SDK1: variants seen among roughly 807,000 people sequenced by gnomAD.
SDK1 encodes sidekick cell adhesion molecule 1.
SDK1 carries 157 observed loss-of-function variants against 245.5 expected under a neutral mutation model. The observed-to-expected ratio is 0.64, with a 90% CI of 0.56 to 0.73. The LOEUF is 0.73. Ranked by LOEUF, SDK1 falls within the 30% of genes least tolerant of loss-of-function variation. The pLI is 0.00. For missense variants in SDK1, 3,583 were observed against 3,002.3 expected (o/e 1.19, Z -4.52); for synonymous variants, 1,647 against 1,278.5 (o/e 1.29, Z -6.15).
chr7:4,184,535 G>A (rs1461498275), intron 35 of SDK1, among the ~76,000 whole-genome samples: 1 of 152,228 alleles, frequency 6.6e-6, no homozygotes, highest in East Asian at 1.9e-4. Context: ...CTGGGTGAGT[G>A]AGTCGGTTTG....
intron 1 of SDK1, among the ~76,000 whole-genome samples, chr7:3,574,878 T>C (rs538113755): frequency 1.3e-5 from 2 of 152,212 alleles, no homozygotes; most frequent in African/African-American, 4.8e-5. Flanking sequence ...TTTTACAAAT[T>C]ACACGAAAGG....
intron 1 of SDK1, among the ~76,000 whole-genome samples, chr7:3,425,979 T>C (rs1455110257): frequency 6.6e-6 from 1 of 152,256 alleles, no homozygotes; most frequent in Non-Finnish European, 1.5e-5. Context: ...AAAAGATTTT[T>C]AATCTGTAAA....
At position 3,396,415 on chromosome 7, in the gene SDK1, G is replaced by T. The variant is rs930471734; in HGVS notation, c.298+94531G>T. Among the ~76,000 whole-genome samples the T allele has an allele frequency of 8.6e-5, 13 of 151,852 alleles. No individual in the cohort carries two copies. The South Asian group carries it at 2.7e-3, about 32-fold the overall frequency. ...GTGTGTTAAGGTAAGTTGATTGGCA[G>T]TGTTATAAGTCTTCTGTATTTTTGT... On this transcript the variant is annotated intron_variant, in intron 1 of 44. Transcript: ENST00000404826.
At chr7:3,760,267 C>T (rs948279127) in intron 4 of SDK1, among the ~76,000 whole-genome samples, 10 of 152,198 alleles carry the variant, frequency 6.6e-5, no homozygotes, top group Non-Finnish European at 5.9e-5. Flanking sequence ...TCAGGTTGTC[C>T]GTCATGGTAT....
At chr7:3,457,750 G>C (rs1002053738) in intron 1 of SDK1, among the ~76,000 whole-genome samples, 1 of 152,130 alleles carries the variant, frequency 6.6e-6, no homozygotes, top group African/African-American at 2.4e-5. Flanking sequence ...CTTCCAGACA[G>C]CTCTCATCTT....
intron 17 of SDK1, among the ~76,000 whole-genome samples, chr7:4,036,126 C>T (rs894990034): frequency 2.6e-5 from 4 of 152,130 alleles, no homozygotes; most frequent in East Asian, 1.9e-4. Flanking sequence ...ATTTGAAAGC[C>T]GCAATTGACA....
chr7:3,615,165 C>G (rs753260175), intron 1 of SDK1, among the ~76,000 whole-genome samples: 1 of 151,566 alleles, frequency 6.6e-6, no homozygotes. Flanking sequence ...GTGTAGGACA[C>G]TGGAACCATA....
At position 4,161,859 on chromosome 7, in the gene SDK1, A is replaced by G. The variant is rs753165118; in HGVS notation, c.4800+3A>G. ...CCTCTGTCCTGATACAGTGGCAGGT[A>G]AGAGCGCGGGGAATCACGCGCGTTT... On this transcript the variant is annotated splice_donor_region_variant and intron_variant, in intron 32 of 44. Transcript: ENST00000404826. 1 of 1,613,558 alleles carries G rather than the reference A, an allele frequency of 6.2e-7. No individual in the cohort carries two copies. The highest frequency in any genetic ancestry group is 1.1e-5 in the South Asian group (1 of 91,068).
intron 1 of SDK1, among the ~76,000 whole-genome samples, chr7:3,363,599 G>A (rs1414013230): frequency 6.6e-6 from 1 of 152,126 alleles, no homozygotes; most frequent in African/African-American, 2.4e-5. Context: ...ACCAAGGGTG[G>A]GAGGTGGTGT....
intron 35 of SDK1, among the ~76,000 whole-genome samples, chr7:4,199,964 G>A (rs1028140047): frequency 7.2e-5 from 11 of 152,066 alleles, no homozygotes; most frequent in South Asian, 2.1e-4. Flanking sequence ...GTGTGGTGGC[G>A]GGCACCTGTA....
chr7:4,056,212 G>A (rs112040399), intron 19 of SDK1, among the ~76,000 whole-genome samples: 1 of 149,644 alleles, frequency 6.7e-6, no homozygotes, highest in East Asian at 2.0e-4. Context: ...CAGGGAGCCT[G>A]TTTATCCTAT....
chr7:3,356,321 AAAAT>A (rs1332132965), intron 1 of SDK1, among the ~76,000 whole-genome samples: 2 of 152,178 alleles, frequency 1.3e-5, no homozygotes, highest in African/African-American at 2.4e-5. Context: ...AACCAACTGT[AAAAT>A]AAACATCTGG....
At chr7:3,590,265 T>C (rs1022697427) in intron 1 of SDK1, among the ~76,000 whole-genome samples, 2 of 150,318 alleles carry the variant, frequency 1.3e-5, no homozygotes, top group African/African-American at 4.9e-5. Flanking sequence ...TGTAAAGAAA[T>C]GGGTATATTT....
rs1341593815 is a variant in SDK1, at chr7:3,519,651, G to A, written c.299-99429G>A. Among the ~76,000 whole-genome samples, 5 of 152,084 alleles carry A rather than the reference G, an allele frequency of 3.3e-5. No homozygotes were observed. The East Asian group carries it at 7.7e-4, about 23-fold the overall frequency. Reference sequence around the variant, plus strand: ...CAGAGAAGATTAAGTGATTTGTCCAGTTTTAGTCTGTCTCTGTTACATCCA... The same window carrying A: ...CAGAGAAGATTAAGTGATTTGTCCAATTTTAGTCTGTCTCTGTTACATCCA... On this transcript the variant is annotated intron_variant, in intron 1 of 44. Transcript: ENST00000404826.
chr7:4,150,360 T>G (rs1392904674), intron 30 of SDK1, among the ~76,000 whole-genome samples: 1 of 152,162 alleles, frequency 6.6e-6, no homozygotes, highest in Non-Finnish European at 1.5e-5. Context: ...TCCCTCCATG[T>G]CGCAGGGCTC....
intron 5 of SDK1, among the ~76,000 whole-genome samples, chr7:3,921,304 T>C (rs1034124150): frequency 3.9e-5 from 6 of 152,360 alleles, no homozygotes; most frequent in Middle Eastern, 3.4e-3. Context: ...TATGTTATCA[T>C]TTTCAATAAC....
At chr7:3,807,972 C>T (rs1392263479) in intron 4 of SDK1, among the ~76,000 whole-genome samples, 1 of 152,100 alleles carries the variant, frequency 6.6e-6, no homozygotes, top group East Asian at 1.9e-4. Flanking sequence ...AATTATTATC[C>T]CCATCTGACC....
At chr7:4,168,072 C>T (rs1401331703) in intron 32 of SDK1, among the ~76,000 whole-genome samples, 1 of 152,238 alleles carries the variant, frequency 6.6e-6, no homozygotes, top group African/African-American at 2.4e-5. Flanking sequence ...CAGTTCAGAA[C>T]CCTGTGCAGG....
intron 26 of SDK1, among the ~76,000 whole-genome samples, chr7:4,128,235 C>G (rs922752702): frequency 6.6e-6 from 1 of 152,170 alleles, no homozygotes; most frequent in Non-Finnish European, 1.5e-5. Flanking sequence ...TTTGAGCGTG[C>G]CTCCTCCACC....
Sources: allele counts gnomAD v4.1 joint callset (sites outside exome capture counted in the v4.1 genomes callset), GRCh38; gene constraint gnomAD v4.1.1; transcripts MANE v1.5; gene names NCBI Gene and HGNC (gene_info 2026-07-23, HGNC 2026-07-21).